Variants in SNRPN observed in about 807,000 individuals in gnomAD.
The protein encoded by SNRPN is small nuclear ribonucleoprotein polypeptide N.
In SNRPN, 7 loss-of-function variants were observed where a neutral mutation model predicts 25.2. The observed-to-expected ratio is 0.28, with a 90% confidence interval of 0.16 to 0.52. The LOEUF is 0.52. Among genes scored for constraint, SNRPN ranks in the 20% least tolerant of loss-of-function variants. The pLI is 0.96. For missense variants in SNRPN, 196 were observed against 322.5 expected (o/e 0.61, Z 3.00); for synonymous variants, 124 against 110.6 (o/e 1.12, Z -0.76).
intron 2 of SNRPN, chr15:24,908,955 C>G: frequency 7.4e-7 from 1 of 1,347,784 alleles, no homozygotes; most frequent in Non-Finnish European, 1.1e-6. Flanking sequence ...TGCTTCTGAG[C>G]TCTGAGGAAG....
chr15:24,964,704 T>C (rs1304112073), intron 2 of SNRPN, among the ~76,000 whole-genome samples: 1 of 152,170 alleles, frequency 6.6e-6, no homozygotes, highest in Non-Finnish European at 1.5e-5. Flanking sequence ...GGCTGAGGTT[T>C]AGGACTCTTA....
chr15:24,962,213 A>G lies in SNRPN; in HGVS notation c.-295+4A>G. On this transcript the variant is annotated splice_donor_region_variant and intron_variant, in intron 2 of 9. Coordinates refer to ENST00000390687, the MANE Select transcript of SNRPN (RefSeq NM_003097.6). ...CTGCCTCACTGAGCAACCAAGAGTG[A>G]GTACAGACTGTGTTGGGAACAAATG... The G allele has an allele frequency of 6.2e-7, 1 of 1,612,384 alleles. No individual in the cohort carries two copies. Among genetic ancestry groups the G allele is most frequent in the East Asian group, 2.2e-5 (1 of 44,856 alleles).
intron 3 of SNRPN, among the ~76,000 whole-genome samples, chr15:24,936,494 C>T (rs1404160199): frequency 1.3e-5 from 2 of 152,088 alleles, no homozygotes; most frequent in Non-Finnish European, 2.9e-5. Flanking sequence ...CTGTATTGGT[C>T]CATTCCTGCA....
intron 1 of SNRPN, among the ~76,000 whole-genome samples, chr15:24,960,369 T>TGGCTCTGTCA (rs2074570533): frequency 6.6e-6 from 1 of 152,142 alleles, no homozygotes; most frequent in African/African-American, 2.4e-5. Flanking sequence ...AGGCAGGGTC[T>TGGCTCTGTCA]GGCTCTGTCA....
At chr15:24,927,985 T>C (rs1429643108) in intron 3 of SNRPN, among the ~76,000 whole-genome samples, 1 of 152,212 alleles carries the variant, frequency 6.6e-6, no homozygotes, top group Non-Finnish European at 1.5e-5. Flanking sequence ...AACCATTCTT[T>C]CAACATTTAA....
chr15:24,975,793 A>T (rs1330200698), intron 5 of SNRPN, among the ~76,000 whole-genome samples: 5 of 152,190 alleles, frequency 3.3e-5, no homozygotes, highest in African/African-American at 1.2e-4. Flanking sequence ...ATGCTATATT[A>T]ATTAATTGGT....
intron 1 of SNRPN, among the ~76,000 whole-genome samples, chr15:24,867,595 C>T (rs12595591): frequency 0.32 from 48,590 of 151,206 alleles, 8,715 homozygotes; most frequent in African/African-American, 0.49. Context: ...AGGATGGTCC[C>T]GATCTCCTGA....
chr15:24,852,374 G>C (rs939546499), upstream of SNRPN: 1 of 152,056 alleles, frequency 6.6e-6, no homozygotes, highest in African/African-American at 2.4e-5. Flanking sequence ...AAACTTAGGC[G>C]ATCATTGGGC....
chr15:24,900,093 G>T (rs997550606), intron 2 of SNRPN, among the ~76,000 whole-genome samples: 1 of 152,164 alleles, frequency 6.6e-6, no homozygotes, highest in African/African-American at 2.4e-5. Context: ...ACTGAAACAC[G>T]TGCCTTGGGA....
chr15:24,976,721 C>A (rs2077100114), intron 6 of SNRPN, among the ~76,000 whole-genome samples, 156 bp from the exon 7 acceptor site: 1 of 152,182 alleles, frequency 6.6e-6, no homozygotes, highest in Admixed American at 6.5e-5. Flanking sequence ...ACACAAGATA[C>A]CTCCATGGTA....
At chr15:24,873,935 T>G (rs2149024232) in intron 1 of SNRPN, among the ~76,000 whole-genome samples, 1 of 151,094 alleles carries the variant, frequency 6.6e-6, no homozygotes, top group Non-Finnish European at 1.5e-5. Context: ...CATTTGCAAT[T>G]CAAGAAACCT....
intron 1 of SNRPN, among the ~76,000 whole-genome samples, chr15:24,883,466 C>A (rs2056920380): frequency 6.6e-6 from 1 of 151,798 alleles, no homozygotes; most frequent in South Asian, 2.1e-4. Context: ...TAATCCCTAC[C>A]CCCTCAACAA....
chr15:24,905,894 G>A (rs1041885433), intron 2 of SNRPN, among the ~76,000 whole-genome samples: 16 of 152,062 alleles, frequency 1.1e-4, no homozygotes, highest in Admixed American at 3.9e-4. Context: ...TGAACTTCCT[G>A]AGGGGCCCAC....
chr15:24,936,086 G>T (rs999161003), intron 3 of SNRPN, among the ~76,000 whole-genome samples: 1 of 151,190 alleles, frequency 6.6e-6, no homozygotes, highest in African/African-American at 2.4e-5. Flanking sequence ...CTGCACTCCC[G>T]CCTGGGCAAC....
At chr15:24,880,360 C>T (rs768739598) in intron 1 of SNRPN, among the ~76,000 whole-genome samples, 8 of 152,080 alleles carry the variant, frequency 5.3e-5, no homozygotes, top group African/African-American at 1.2e-4. Flanking sequence ...TTTCAATCCT[C>T]GAACTTTTCC....
intron 3 of SNRPN, among the ~76,000 whole-genome samples, chr15:24,941,112 G>T (rs2061525915): frequency 6.6e-6 from 1 of 152,160 alleles, no homozygotes; most frequent in Admixed American, 6.6e-5. Context: ...GAGTAGCTGA[G>T]ACCACAGGTG....
intron 2 of SNRPN, among the ~76,000 whole-genome samples, chr15:24,841,044 T>G (rs2051652054): frequency 6.6e-6 from 1 of 152,126 alleles, no homozygotes; most frequent in Non-Finnish European, 1.5e-5. Context: ...TTTCACCATG[T>G]TGGCCAGGCT....
intron 1 of SNRPN, among the ~76,000 whole-genome samples, chr15:24,866,469 C>T (rs962254506): frequency 6.6e-5 from 10 of 152,136 alleles, no homozygotes; most frequent in African/African-American, 9.7e-5. Context: ...TTGATCACAG[C>T]TCACTGCAGT....
chr15:24,844,220 G>A (rs1234133133), intron 2 of SNRPN, among the ~76,000 whole-genome samples: 1 of 151,814 alleles, frequency 6.6e-6, no homozygotes, highest in East Asian at 1.9e-4. Flanking sequence ...ATTCCAGTAG[G>A]GACATAGTGG....
Sources: gnomAD v4.1 joint callset for allele counts (sites outside exome capture counted in the v4.1 genomes callset) on GRCh38, gnomAD v4.1.1 for gene constraint, MANE v1.5 for transcripts, NCBI Gene and HGNC (gene_info 2026-07-23, HGNC 2026-07-21) for gene names.